REC114: variants seen among roughly 807,000 people sequenced by gnomAD.
The protein encoded by REC114 is REC114 meiotic recombination protein.
REC114 carries 27 observed loss-of-function variants against 31.3 expected under a neutral mutation model. That is an observed-to-expected ratio of 0.86 (90% CI 0.64 to 1.19). The LOEUF (loss-of-function observed/expected upper bound fraction) is 1.19. Among genes scored for constraint, REC114 ranks in the 50% most tolerant of loss-of-function variants. REC114 has a pLI of 0.00. For synonymous variants in REC114, 134 were observed against 127.7 expected (o/e 1.05, Z -0.33); for missense variants, 344 against 326.9 (o/e 1.05, Z -0.40).
chr15:73,455,496 G>A (rs1363450163), intron 1 of REC114, among the ~76,000 whole-genome samples: 1 of 151,996 alleles, frequency 6.6e-6, no homozygotes, highest in African/African-American at 2.4e-5. Context: ...TATATGCTGA[G>A]ACAAAAATGT....
intron 2 of REC114, among the ~76,000 whole-genome samples, chr15:73,527,610 A>G (rs775793222): frequency 2.0e-5 from 3 of 152,156 alleles, no homozygotes; most frequent in Non-Finnish European, 4.4e-5. Flanking sequence ...GTTGCTTCCA[A>G]TAGTTTTGTC....
At chr15:73,550,492 T>C (rs1216190559) in intron 3 of REC114, among the ~76,000 whole-genome samples, 1 of 152,234 alleles carries the variant, frequency 6.6e-6, no homozygotes, top group East Asian at 1.9e-4. Flanking sequence ...TTGTTTAAGC[T>C]CACTGCCTTG....
intron 2 of REC114, among the ~76,000 whole-genome samples, chr15:73,536,049 G>A (rs868753862): frequency 5.3e-5 from 8 of 151,292 alleles, no homozygotes; most frequent in Non-Finnish European, 1.2e-4. Context: ...AGACTTAAAC[G>A]TTAGACCTAA....
chr15:73,505,279 T>C (rs990151092), intron 2 of REC114, among the ~76,000 whole-genome samples: 6 of 152,228 alleles, frequency 3.9e-5, no homozygotes, highest in Admixed American at 3.9e-4. Flanking sequence ...ATTTGGTCAG[T>C]GTAAATTTAC....
chr15:73,546,021 A>G (rs2141332955), intron 3 of REC114, among the ~76,000 whole-genome samples: 1 of 152,286 alleles, frequency 6.6e-6, no homozygotes, highest in Middle Eastern at 3.4e-3. Flanking sequence ...TCCCTTCCTC[A>G]GGGAAGGTAG....
At chr15:73,526,561 G>C (rs1567890071) in intron 2 of REC114, among the ~76,000 whole-genome samples, 2 of 152,086 alleles carry the variant, frequency 1.3e-5, no homozygotes, top group African/African-American at 2.4e-5. Context: ...GCTGCTTCCT[G>C]TGTAATGTAT....
At position 73,550,987 on chromosome 15, in the gene REC114, A is replaced by G. The variant is rs558424606; in HGVS notation, c.383A>G (p.Gln128Arg). 3.1e-6 allele frequency: 5 copies of G among 1,613,936 alleles called. No homozygotes were observed. The highest frequency in any genetic ancestry group is 3.4e-6 in the Non-Finnish European group (4 of 1,179,842). ...CAGTTCAGTGGAGAGTCAAAGGAGC[A>G]GGCGCTGGAACACTGCTGCAGTTGT... ...RVQFSGESKE[Q>R]ALEHCCSCVQ... The change falls in exon 4 of 6, where the codon CAG (glutamine) becomes CGG (arginine). Residue 128 changes from glutamine (Q) to arginine (R), a missense_variant. Transcript: ENST00000331090.
chr15:73,520,846 C>A (rs193061046), intron 2 of REC114, among the ~76,000 whole-genome samples: 21 of 152,274 alleles, frequency 1.4e-4, no homozygotes, highest in African/African-American at 4.8e-4. Context: ...CCCACACTTT[C>A]TTTTGCCATA....
chr15:73,513,028 C>G (rs1006866600), intron 2 of REC114, among the ~76,000 whole-genome samples: 1 of 151,222 alleles, frequency 6.6e-6, no homozygotes, highest in South Asian at 2.1e-4. Context: ...TGGATAATAT[C>G]CTACAGAGTG....
chr15:73,448,124 G>T (rs1322907030), intron 1 of REC114, among the ~76,000 whole-genome samples: 4 of 151,912 alleles, frequency 2.6e-5, no homozygotes, highest in Non-Finnish European at 4.4e-5. Flanking sequence ...CACGCCAGTG[G>T]CTACTGGAAA....
intron 1 of REC114, among the ~76,000 whole-genome samples, chr15:73,451,296 G>A (rs978031312): frequency 6.6e-6 from 1 of 152,116 alleles, no homozygotes; most frequent in African/African-American, 2.4e-5. Context: ...TGATAAAGGG[G>A]CTGTCATCAC....
intron 1 of REC114, among the ~76,000 whole-genome samples, chr15:73,462,568 C>G (rs762956829): frequency 6.6e-6 from 1 of 152,030 alleles, no homozygotes; most frequent in Non-Finnish European, 1.5e-5. Context: ...TAGTGATACA[C>G]GTATGCATCA....
At chr15:73,546,599 A>AAT (rs1385861886) in intron 3 of REC114, among the ~76,000 whole-genome samples, 1 of 152,162 alleles carries the variant, frequency 6.6e-6, no homozygotes, top group Non-Finnish European at 1.5e-5. Context: ...ATACACACAC[A>AAT]ATATATATAA....
At chr15:73,525,887 G>T (rs1276244881) in intron 2 of REC114, among the ~76,000 whole-genome samples, 1 of 152,090 alleles carries the variant, frequency 6.6e-6, no homozygotes, top group Non-Finnish European at 1.5e-5. Flanking sequence ...TATTCCTAAT[G>T]TTATTCAGTC....
At chr15:73,552,822 C>CT (rs1410695657) in intron 4 of REC114, among the ~76,000 whole-genome samples, 4 of 151,846 alleles carry the variant, frequency 2.6e-5, no homozygotes, top group South Asian at 2.1e-4. Flanking sequence ...CACTATGTTT[C>CT]TTTTTTTTGA....
intron 1 of REC114, among the ~76,000 whole-genome samples, chr15:73,452,732 A>G (rs1467661877): frequency 1.3e-5 from 2 of 152,220 alleles, no homozygotes; most frequent in Non-Finnish European, 2.9e-5. Flanking sequence ...ACTTCAAACT[A>G]TACTACAAGT....
chr15:73,555,888 T>C (rs913463836), intron 4 of REC114, among the ~76,000 whole-genome samples: 18 of 152,222 alleles, frequency 1.2e-4, no homozygotes, highest in Admixed American at 8.5e-4. Flanking sequence ...ACTTGAGCAA[T>C]AATTTTTAGA....
chr15:73,551,669 T>A (rs1399018084), intron 4 of REC114, among the ~76,000 whole-genome samples: 3 of 152,180 alleles, frequency 2.0e-5, no homozygotes, highest in African/African-American at 7.2e-5. Context: ...AACGCACCTG[T>A]GTGACATTTG....
intron 1 of REC114, among the ~76,000 whole-genome samples, chr15:73,459,218 T>C (rs1412353755): frequency 1.3e-5 from 2 of 151,876 alleles, no homozygotes; most frequent in Non-Finnish European, 2.9e-5. Flanking sequence ...TAATTAAATA[T>C]ACTTTTTCTT....
Sources: allele counts gnomAD v4.1 joint callset (sites outside exome capture counted in the v4.1 genomes callset), GRCh38; gene constraint gnomAD v4.1.1; transcripts MANE v1.5; gene names NCBI Gene and HGNC (gene_info 2026-07-23, HGNC 2026-07-21).